The following KRT8 variants were observed in gnomAD, a reference collection of about 807,000 sequenced individuals.
The protein encoded by KRT8 is keratin, type II cytoskeletal 8.
A neutral mutation model predicts 43.0 loss-of-function variants in KRT8; 24 were observed. That is an observed-to-expected ratio of 0.56 (90% confidence interval 0.40 to 0.78). The LOEUF (loss-of-function observed/expected upper bound fraction) is 0.78, where lower values mean the gene tolerates loss of function less well. Ranked by LOEUF, KRT8 falls within the 30% of genes least tolerant of loss-of-function variation. The pLI is 0.00. For synonymous variants in KRT8, 214 were observed against 261.2 expected, an observed-to-expected ratio of 0.82 and a Z score of 1.74; for missense variants, 492 against 638.4, an observed-to-expected ratio of 0.77 and a Z score of 2.47.
At chr12:52,949,226 C>G (rs147350452) in intron 2 of KRT8, 174 of 1,611,516 alleles carry the variant, frequency 1.1e-4, no homozygotes, top group Non-Finnish European at 1.4e-4. Flanking sequence ...TCCCTGGGCT[C>G]TGTCCAGGCG....
At chr12:52,905,603 C>T (rs1941496646), upstream of KRT8, among the ~76,000 whole-genome samples, 2 of 152,166 alleles carry the variant, frequency 1.3e-5, no homozygotes, top group South Asian at 2.1e-4. Flanking sequence ...AACCATTTGC[C>T]TCATCTTTCC....
At chr12:52,949,740 C>G (rs572637978) in exon 1 of KRT8, 1 of 752,218 alleles carries the variant, frequency 1.3e-6, no homozygotes, top group South Asian at 1.5e-5. Flanking sequence ...CGCACCTAGC[C>G]ACAGGGTCCC....
At chr12:52,947,169 C>T (rs1046436950) in intron 2 of KRT8, 1 of 152,350 alleles carries the variant, frequency 6.6e-6, no homozygotes, top group Non-Finnish European at 1.5e-5. Context: ...AGGGTTCCCC[C>T]CAACACTTCA....
chr12:52,912,616 T>C (rs1253083761), intron 2 of KRT8, among the ~76,000 whole-genome samples: 1 of 152,158 alleles, frequency 6.6e-6, no homozygotes, highest in Non-Finnish European at 1.5e-5. Context: ...GAAGACAAAG[T>C]TGCATAGGAC....
chr12:52,917,038 A>C (rs555258517), intron 2 of KRT8, among the ~76,000 whole-genome samples: 251 of 152,306 alleles, frequency 1.6e-3, no homozygotes, highest in African/African-American at 5.8e-3. Context: ...GGATTCCCCC[A>C]GAGAGAGACT....
intron 3 of KRT8, 22 bp from the exon 4 acceptor site, chr12:52,900,705 G>A: frequency 1.9e-6 from 3 of 1,570,016 alleles, no homozygotes; most frequent in Non-Finnish European, 2.6e-6. Context: ...GGAGAGGGGA[G>A]CCTGAGCTGG....
At chr12:52,905,069 T>G in exon 1 of KRT8, 1 of 1,511,384 alleles carries the variant, frequency 6.6e-7, no homozygotes, top group Non-Finnish European at 8.8e-7. Context: ...AGGAGAGCTC[T>G]CAGGAATGGC....
chr12:52,918,925 A>G lies in KRT8; in HGVS notation c.-46-13898T>C, dbSNP rs1941830883. 2.0e-5 allele frequency among the ~76,000 whole-genome samples: 3 copies of G among 152,276 alleles called. No homozygotes were observed. In the South Asian group the frequency reaches 6.2e-4, roughly 32 times the overall value. The stretch of plus-strand genomic sequence containing the variant: ...TCCCTGCATGAAATAACCTCCTTGC[A>G]GAACAGAACAGTGTCTGCTGCCTCT... On this transcript the variant is annotated intron_variant, in intron 2 of 6. Transcript: ENST00000546826.
At chr12:52,903,133 C>T (rs1480264427) in intron 1 of KRT8, among the ~76,000 whole-genome samples, 1 of 152,072 alleles carries the variant, frequency 6.6e-6, no homozygotes, top group Non-Finnish European at 1.5e-5. Context: ...CATTCTGCCC[C>T]AAAATTATTT....
intron 2 of KRT8, among the ~76,000 whole-genome samples, chr12:52,934,122 G>A (rs1206337325): frequency 1.3e-5 from 2 of 151,804 alleles, no homozygotes; most frequent in South Asian, 2.1e-4. Flanking sequence ...CCAGCTGCTC[G>A]GGAGGCTGAG....
intron 2 of KRT8, among the ~76,000 whole-genome samples, chr12:52,916,099 T>C (rs115669069): frequency 1.1e-3 from 172 of 152,048 alleles, no homozygotes; most frequent in African/African-American, 4.0e-3. Context: ...AAGCTAGATA[T>C]TGGGGAGGAG....
chr12:52,912,355 G>T (rs971108506), intron 2 of KRT8, among the ~76,000 whole-genome samples: 1 of 152,174 alleles, frequency 6.6e-6, no homozygotes, highest in Admixed American at 6.5e-5. Context: ...CCCAGCCCCA[G>T]CCTCTTGGAA....
At chr12:52,910,539 C>T (rs527502788), upstream of KRT8, among the ~76,000 whole-genome samples, 65 of 152,262 alleles carry the variant, frequency 4.3e-4, no homozygotes, top group African/African-American at 1.4e-3. Flanking sequence ...ACAGAGACTG[C>T]GAGAGGACAG....
At chr12:52,940,872 C>T (rs1006775750) in intron 2 of KRT8, among the ~76,000 whole-genome samples, 1 of 152,022 alleles carries the variant, frequency 6.6e-6, no homozygotes, top group Admixed American at 6.6e-5. Flanking sequence ...GTGATCCACC[C>T]GCCTCACCCT....
intron 2 of KRT8, among the ~76,000 whole-genome samples, chr12:52,938,163 TATA>T (rs1942205527): frequency 5.2e-5 from 2 of 38,466 alleles, no homozygotes; most frequent in Admixed American, 2.3e-4. Flanking sequence ...TATATATATA[TATA>T]TATATTTTTT....
chr12:52,933,264 T>C (rs1942113753), intron 2 of KRT8, among the ~76,000 whole-genome samples: 1 of 152,114 alleles, frequency 6.6e-6, no homozygotes. Context: ...TACGTTTCTA[T>C]ATACTGGCAA....
intron 2 of KRT8, among the ~76,000 whole-genome samples, chr12:52,945,625 C>T (rs1437777361): frequency 6.6e-6 from 1 of 152,174 alleles, no homozygotes; most frequent in South Asian, 2.1e-4. Context: ...AGAGCTGACC[C>T]ACCCCTATCG....
chr12:52,943,367 C>T (rs1942296049), intron 2 of KRT8, among the ~76,000 whole-genome samples: 1 of 152,042 alleles, frequency 6.6e-6, no homozygotes, highest in South Asian at 2.1e-4. Flanking sequence ...GCCCTGTGGG[C>T]CCCCCTTCCT....
intron 2 of KRT8, chr12:52,901,535 C>T (rs544392492): frequency 2.4e-4 from 132 of 553,392 alleles, no homozygotes; most frequent in African/African-American, 2.3e-3. Context: ...AGGGTCAAGA[C>T]TAAAGAGGGG....
Sources: gnomAD v4.1 joint callset for allele counts (sites outside exome capture counted in the v4.1 genomes callset) on GRCh38, gnomAD v4.1.1 for gene constraint, MANE v1.5 for transcripts, NCBI Gene and HGNC (gene_info 2026-07-23, HGNC 2026-07-21) for gene names.